The following SMAP1 variants were observed in gnomAD, a reference collection of about 807,000 sequenced individuals.
The protein encoded by SMAP1 is small ArfGAP 1.
In SMAP1, 24 loss-of-function variants were observed where a neutral mutation model predicts 58.5. The ratio of observed to expected loss-of-function variants is 0.41; its 90% confidence interval spans 0.30 to 0.58. The LOEUF is 0.58. SMAP1 is among the 20% of genes least tolerant of loss of function. The probability of loss-of-function intolerance (pLI) is 0.29; values close to 1 mark genes in which losing one functional copy is unlikely to be tolerated. For missense variants in SMAP1, 563 were observed against 566.3 expected (o/e 0.99, Z 0.06); for synonymous variants, 216 against 196.6 (o/e 1.10, Z -0.82).
intron 6 of SMAP1, among the ~76,000 whole-genome samples, chr6:70,803,475 T>G (rs1768960775): frequency 6.6e-6 from 1 of 152,214 alleles, no homozygotes; most frequent in Non-Finnish European, 1.5e-5. Flanking sequence ...TTTGAAGGTT[T>G]TTTTGTGTCT....
intron 7 of SMAP1, among the ~76,000 whole-genome samples, chr6:70,839,666 G>A (rs1368965880): frequency 6.6e-6 from 1 of 152,212 alleles, no homozygotes; most frequent in Non-Finnish European, 1.5e-5. Flanking sequence ...GAGTTCCAAA[G>A]ATAGGAGGAG....
intron 1 of SMAP1, among the ~76,000 whole-genome samples, chr6:70,679,601 A>C (rs1766619169): frequency 6.6e-6 from 1 of 152,260 alleles, no homozygotes; most frequent in Non-Finnish European, 1.5e-5. Context: ...TTGGAAGTTG[A>C]AATAAAAATT....
intron 2 of SMAP1, among the ~76,000 whole-genome samples, chr6:70,743,030 G>T (rs894244440): frequency 6.6e-6 from 1 of 152,188 alleles, no homozygotes; most frequent in African/African-American, 2.4e-5. Flanking sequence ...GATGAGATTT[G>T]GGTGGTGACA....
intron 7 of SMAP1, among the ~76,000 whole-genome samples, chr6:70,845,130 G>T (rs1770940833): frequency 1.3e-5 from 2 of 152,178 alleles, no homozygotes; most frequent in Admixed American, 1.3e-4. Flanking sequence ...ATTCTTATCT[G>T]CCTTAAACTA....
intron 1 of SMAP1, among the ~76,000 whole-genome samples, chr6:70,722,501 G>C (rs754219582): frequency 1.5e-4 from 23 of 152,226 alleles, no homozygotes; most frequent in Non-Finnish European, 3.1e-4. Flanking sequence ...GCATAGACCA[G>C]CTCTGTCAGG....
chr6:70,706,550 G>A (rs1410185724), intron 1 of SMAP1, among the ~76,000 whole-genome samples: 2 of 152,100 alleles, frequency 1.3e-5, no homozygotes, highest in African/African-American at 2.4e-5. Context: ...GGTAAAGTGA[G>A]TTCATATTTT....
At chr6:70,759,758 C>T (rs1766669521) in intron 3 of SMAP1, 1 of 301,608 alleles carries the variant, frequency 3.3e-6, no homozygotes, top group African/African-American at 2.2e-5. Context: ...CTATAGATTT[C>T]AGGAAAGATG....
intron 1 of SMAP1, among the ~76,000 whole-genome samples, chr6:70,677,833 C>T (rs1766548950): frequency 6.6e-6 from 1 of 152,160 alleles, no homozygotes; most frequent in East Asian, 1.9e-4. Context: ...ACTCATACAA[C>T]TCTTCCCCAC....
At chr6:70,740,480 A>AC (rs1765770633) in intron 2 of SMAP1, among the ~76,000 whole-genome samples, 4 of 19,912 alleles carry the variant, frequency 2.0e-4, no homozygotes, top group East Asian at 1.6e-3. Context: ...AAAAAAAAAC[A>AC]AAAAAAAAAC....
At chr6:70,858,287 C>CTTT (rs68188898) in intron 10 of SMAP1, 58 bp downstream of exon 10, 66 of 290,724 alleles carry the variant, frequency 2.3e-4, no homozygotes, top group African/African-American at 1.9e-3. Context: ...TTTTCTAAAT[C>CTTT]TTTTTTTTTT....
At chr6:70,685,631 G>T (rs995316343) in intron 1 of SMAP1, among the ~76,000 whole-genome samples, 2 of 152,178 alleles carry the variant, frequency 1.3e-5, no homozygotes, top group Non-Finnish European at 2.9e-5. Flanking sequence ...TGCTTTGTAC[G>T]TACCTTTCTG....
intron 1 of SMAP1, among the ~76,000 whole-genome samples, chr6:70,686,759 T>C (rs1306693503): frequency 6.6e-6 from 1 of 152,202 alleles, no homozygotes; most frequent in Non-Finnish European, 1.5e-5. Flanking sequence ...GCGTTATTGC[T>C]GTGAATTTAA....
rs531022917 is a variant in SMAP1, at chr6:70,837,797, G to C, written c.664+769G>C. 7.1e-5 allele frequency: 88 copies of C among 1,237,906 alleles called. 1 individual carries two copies. The South Asian group carries it at 1.2e-3, about 17-fold the overall frequency. The allele number at this position is 1,237,906 out of a possible 1,614,324, so 76.7% of individuals were successfully genotyped here. A position where few individuals can be genotyped will look rare whatever the true frequency, so the allele number is the denominator to read the frequency against. On this transcript the variant is annotated intron_variant, in intron 7 of 10. Coordinates refer to ENST00000370455, the MANE Select transcript of SMAP1 (RefSeq NM_001044305.3). ...TTTTTTTAGTTTGGAGAAAGATTGA[G>C]AAGGAAAAGAGTGAAAGGCAGTTAG... is the stretch of plus-strand genomic sequence containing the variant.
chr6:70,849,228 G>T (rs899766633), intron 7 of SMAP1, among the ~76,000 whole-genome samples: 3 of 152,128 alleles, frequency 2.0e-5, no homozygotes, highest in African/African-American at 4.8e-5. Flanking sequence ...TGTCAGCCTT[G>T]CCACAAAGAT....
chr6:70,829,077 A>G (rs1582269838), intron 6 of SMAP1, among the ~76,000 whole-genome samples: 1 of 152,236 alleles, frequency 6.6e-6, no homozygotes, highest in South Asian at 2.1e-4. Context: ...TCCTACATAC[A>G]CAAAAGTTAA....
chr6:70,810,123 T>A (rs1769324042), intron 6 of SMAP1, among the ~76,000 whole-genome samples: 1 of 152,238 alleles, frequency 6.6e-6, no homozygotes, highest in African/African-American at 2.4e-5. Context: ...TTTCTTATTC[T>A]TTAACCAAGA....
At chr6:70,799,934 G>A (rs1200655049) in intron 6 of SMAP1, among the ~76,000 whole-genome samples, 1 of 152,082 alleles carries the variant, frequency 6.6e-6, no homozygotes, top group Non-Finnish European at 1.5e-5. Flanking sequence ...AGGGATTTTA[G>A]CATTTGCAAT....
intron 3 of SMAP1, among the ~76,000 whole-genome samples, chr6:70,771,902 A>G (rs1181119225): frequency 6.6e-6 from 1 of 152,122 alleles, no homozygotes; most frequent in Non-Finnish European, 1.5e-5. Context: ...GGCTCCAAAT[A>G]ACTATTCATT....
intron 2 of SMAP1, among the ~76,000 whole-genome samples, chr6:70,747,051 A>T (rs919620337): frequency 3.9e-5 from 6 of 152,164 alleles, no homozygotes; most frequent in African/African-American, 1.4e-4. Context: ...TTAGAGGTGT[A>T]TTCACTTTCC....
Sources: gnomAD v4.1 joint callset for allele counts (sites outside exome capture counted in the v4.1 genomes callset) on GRCh38, gnomAD v4.1.1 for gene constraint, MANE v1.5 for transcripts, NCBI Gene and HGNC (gene_info 2026-07-23, HGNC 2026-07-21) for gene names.